Variants in AQR observed in about 807,000 individuals in gnomAD.
AQR encodes the protein aquarius intron-binding spliceosomal factor.
In AQR, 61 loss-of-function variants were observed where a neutral mutation model predicts 180.5. The ratio of observed to expected loss-of-function variants is 0.34; its 90% CI spans 0.28 to 0.42. The LOEUF is 0.42. Among genes scored for constraint, AQR ranks in the 10% least tolerant of loss-of-function variants. The probability of loss-of-function intolerance (pLI) is 1.00; values close to 1 mark genes in which losing one functional copy is unlikely to be tolerated. For missense variants in AQR, 1,281 were observed against 1,798.3 expected, an observed-to-expected ratio of 0.71 and a Z score of 5.20; for synonymous variants, 551 against 588.8, an observed-to-expected ratio of 0.94 and a Z score of 0.93.
intron 19 of AQR, among the ~76,000 whole-genome samples, chr15:34,902,864 G>A (rs1035796075): frequency 5.9e-5 from 9 of 152,042 alleles, no homozygotes; most frequent in Non-Finnish European, 1.0e-4. Context: ...AGGTGCTAAG[G>A]ATACACTGGC....
At chr15:34,914,800 T>C (rs1225501070) in intron 16 of AQR, among the ~76,000 whole-genome samples, 1 of 152,156 alleles carries the variant, frequency 6.6e-6, no homozygotes, top group African/African-American at 2.4e-5. Context: ...CGACTTCTTC[T>C]CCCTTATCCC....
intron 24 of AQR, 54 bp from the exon 25 acceptor site, chr15:34,886,715 G>A (rs910839581): frequency 6.6e-7 from 1 of 1,514,798 alleles, no homozygotes; most frequent in African/African-American, 1.4e-5. Flanking sequence ...GACTTTGAAG[G>A]AAACAATCAG....
At chr15:34,859,923 T>C (rs370178027) in intron 34 of AQR, 119 bp downstream of exon 34, 2 of 436,752 alleles carry the variant, frequency 4.6e-6, no homozygotes, top group Non-Finnish European at 7.9e-6. Flanking sequence ...TAAATAATAA[T>C]AGCCTGCTTT....
At chr15:34,929,184 CTTTAG>C (rs1308503353) in intron 12 of AQR, among the ~76,000 whole-genome samples, 2 of 152,112 alleles carry the variant, frequency 1.3e-5, no homozygotes, top group Non-Finnish European at 2.9e-5. Context: ...TGCAGAAGCT[CTTTAG>C]TTTAATTAGA....
chr15:34,886,535 G>A lies in AQR; in HGVS notation c.2808C>T (p.Phe936=). Residue 936 remains phenylalanine (F), a synonymous_variant, in exon 25 of 35, where the codon TTC becomes TTT. Transcript: ENST00000156471. Reference sequence around the variant, plus strand: ...ACCCTTAATATCTTACCTGGTATAAGAAGAAATAGCCTGCAGTTTCACAGG... The same window carrying A: ...ACCCTTAATATCTTACCTGGTATAAAAAGAAATAGCCTGCAGTTTCACAGG... ...SYTCETAGYF[F]LYQVMSRWEE... 1 of 1,605,982 alleles carries A rather than the reference G, an allele frequency of 6.2e-7. No homozygotes were observed. The highest frequency in any genetic ancestry group is 1.1e-5 in the South Asian group (1 of 89,032).
rs541471670 is a variant in AQR at position 34,930,928 on chromosome 15, C to T, written c.901-557G>A. 5.3e-5 allele frequency among the ~76,000 whole-genome samples: 8 copies of T among 151,558 alleles called. No homozygotes were observed. The East Asian group carries it at 1.5e-3, about 29-fold the overall frequency. Reference sequence around the variant, plus strand: ...CTCGGCTCACTGCAAGCTCCGCCTCCCAGGTTCACGCCATTCTCCTGCCTC... The same window carrying T: ...CTCGGCTCACTGCAAGCTCCGCCTCTCAGGTTCACGCCATTCTCCTGCCTC... On this transcript the variant is annotated intron_variant, in intron 11 of 34. Transcript: ENST00000156471.
chr15:34,944,717 T>C (rs1894082970), intron 5 of AQR, among the ~76,000 whole-genome samples: 1 of 152,224 alleles, frequency 6.6e-6, no homozygotes, highest in South Asian at 2.1e-4. Flanking sequence ...AGCTTAGGCT[T>C]TGTTTTCTTA....
rs149845620 is a variant in AQR at position 34,951,440 on chromosome 15, G to A, written c.209+1445C>T. ...TGTAATCCCAGCACTTTAGGAAGCC[G>A]AGGCAGGCAATCACAAGTTCAAGAA... On this transcript the variant is annotated intron_variant, in intron 4 of 34. Transcript: ENST00000156471. Among the ~76,000 whole-genome samples, 1,381 of 152,254 alleles carry A rather than the reference G, an allele frequency of 9.1e-3. 23 individuals are homozygous for A. Among genetic ancestry groups the A allele is most frequent in the African/African-American group, 0.032 (1,309 of 41,538 alleles).
intron 19 of AQR, among the ~76,000 whole-genome samples, chr15:34,901,284 C>T (rs1000038535): frequency 3.9e-5 from 6 of 152,008 alleles, no homozygotes; most frequent in Admixed American, 6.6e-5. Context: ...TTCTTTAATG[C>T]TAAAGTCACC....
chr15:34,950,729 TTATAG>T (rs1296954278), intron 4 of AQR, among the ~76,000 whole-genome samples: 5 of 152,204 alleles, frequency 3.3e-5, no homozygotes, highest in South Asian at 2.1e-4. Flanking sequence ...TCACTCTTGC[TTATAG>T]TAGAGAATAT....
At chr15:34,951,302 C>A (rs1392686133) in intron 4 of AQR, among the ~76,000 whole-genome samples, 1 of 152,070 alleles carries the variant, frequency 6.6e-6, no homozygotes, top group Non-Finnish European at 1.5e-5. Context: ...GAAGTTGGCC[C>A]AGGGAAAATG....
intron 28 of AQR, 93 bp downstream of exon 28, chr15:34,875,842 G>A (rs931030638): frequency 1.3e-5 from 12 of 904,062 alleles, no homozygotes; most frequent in Non-Finnish European, 1.9e-5. Context: ...CATAACTATG[G>A]CAATCAGCAC....
intron 28 of AQR, 32 bp downstream of exon 28, chr15:34,875,903 A>G (rs1355347356): frequency 2.6e-6 from 4 of 1,539,470 alleles, no homozygotes; most frequent in Non-Finnish European, 3.6e-6. Context: ...TTAGAACTCT[A>G]TTTTCTTTGC....
At chr15:34,877,430 A>C (rs1892903083) in intron 27 of AQR, among the ~76,000 whole-genome samples, 1 of 152,172 alleles carries the variant, frequency 6.6e-6, no homozygotes. Flanking sequence ...TTATGGTTCA[A>C]TCCTGGACTG....
chr15:34,896,686 A>G (rs1287588563), intron 22 of AQR, among the ~76,000 whole-genome samples: 1 of 152,200 alleles, frequency 6.6e-6, no homozygotes, highest in Non-Finnish European at 1.5e-5. Flanking sequence ...TGCCTCTACT[A>G]AAAATACAAA....
chr15:34,910,132 T>TA lies in AQR; in HGVS notation c.1663+2dup. ...AATGTCACTTTTTGAAATACAAACT[T>TA]ACCTTCCCATTCATCTTTGATGTGA... On this transcript the variant is annotated splice_region_variant and intron_variant, in intron 17 of 34. Transcript: ENST00000156471. The TA allele has an allele frequency of 6.2e-7, 1 of 1,613,974 alleles. No homozygotes were observed. The highest frequency in any genetic ancestry group is 8.5e-7 in the Non-Finnish European group (1 of 1,179,828).
chr15:34,889,248 T>C (rs569357664), intron 24 of AQR, among the ~76,000 whole-genome samples: 23 of 152,348 alleles, frequency 1.5e-4, no homozygotes, highest in Admixed American at 1.3e-4. Flanking sequence ...AAATAACTTA[T>C]GGCATGTTGT....
Position 34,912,655 on chromosome 15 carries a change from A to C in AQR, c.1485-2342T>G, listed in dbSNP as rs540962222. ...CTATGGATTGGAAGGAAAAAAAAAA[A>C]CAAGCTAGTTGTAATAAACAGAACC... On this transcript the variant is annotated intron_variant, in intron 16 of 34. Coordinates refer to ENST00000156471, the MANE Select transcript of AQR (RefSeq NM_014691.3). Among the ~76,000 whole-genome samples the C allele has an allele frequency of 4.6e-5, 7 of 152,150 alleles. No homozygotes were observed. In the East Asian group the frequency reaches 1.3e-3, roughly 29 times the overall value.
intron 27 of AQR, among the ~76,000 whole-genome samples, chr15:34,879,738 A>C (rs1229243566): frequency 3.9e-5 from 6 of 152,158 alleles, no homozygotes; most frequent in Admixed American, 6.5e-5. Context: ...TCAAGGAACC[A>C]AACGAAATGT....
Sources: allele counts gnomAD v4.1 joint callset (sites outside exome capture counted in the v4.1 genomes callset), GRCh38; gene constraint gnomAD v4.1.1; transcripts MANE v1.5; gene names NCBI Gene and HGNC (gene_info 2026-07-23, HGNC 2026-07-21).